JHY: variants seen among roughly 807,000 people sequenced by gnomAD.
JHY encodes the protein junctional cadherin complex regulator, also known as jhy protein homolog.
A neutral mutation model predicts 78.0 loss-of-function variants in JHY; 69 were observed. The ratio of observed to expected loss-of-function variants is 0.88; its 90% CI spans 0.73 to 1.08. The LOEUF is 1.08. Ranked by LOEUF, JHY falls within the 50% of genes least tolerant of loss-of-function variation. The pLI is 0.00. For synonymous variants in JHY, 368 were observed against 342.6 expected (o/e 1.07, Z -0.82); for missense variants, 944 against 927.8 (o/e 1.02, Z -0.23).
chr11:122,925,617 C>T (rs1280795571), intron 4 of JHY, among the ~76,000 whole-genome samples: 1 of 152,168 alleles, frequency 6.6e-6, no homozygotes, highest in Admixed American at 6.5e-5. Context: ...CACAATGGCT[C>T]ACACCTGTAA....
chr11:122,961,305 AT>A lies in JHY; in HGVS notation c.*1867del. 8.1e-6 allele frequency among the ~76,000 whole-genome samples: 1 copy of A among 123,750 alleles called. No individual in the cohort carries two copies. The highest frequency in any genetic ancestry group is 4.1e-3 in the Middle Eastern group (1 of 246). The allele number at this position is 123,750 out of a possible 152,430, so 81.2% of individuals were successfully genotyped here. ...TCAGCATTTGAGTTGTTCCATGATC[AT>A]TTTTTTATTGTTGTTTTTTTTGCTG... On this transcript the variant is annotated 3_prime_UTR_variant, in exon 9 of 9. Coordinates refer to ENST00000227349, the MANE Select transcript of JHY (RefSeq NM_024806.4).
intron 6 of JHY, among the ~76,000 whole-genome samples, chr11:122,952,591 G>A (rs1393854250): frequency 6.6e-6 from 1 of 152,152 alleles, no homozygotes; most frequent in African/African-American, 2.4e-5. Context: ...ACTAGACCCT[G>A]GCTCTGGTTT....
At chr11:122,893,207 CAGA>C (rs1402908668) in intron 2 of JHY, among the ~76,000 whole-genome samples, 1 of 152,166 alleles carries the variant, frequency 6.6e-6, no homozygotes, top group African/African-American at 2.4e-5. Flanking sequence ...ATAGTTATAT[CAGA>C]GGAGTGACTT....
chr11:122,933,482 A>G (rs1020766302), intron 4 of JHY, among the ~76,000 whole-genome samples: 5 of 152,252 alleles, frequency 3.3e-5, no homozygotes, highest in African/African-American at 1.2e-4. Flanking sequence ...AGCACAATAT[A>G]GTTACATAGT....
In JHY at chr11:122,960,697, A is replaced by T; in HGVS notation, c.*1252A>T. Reference sequence around the variant, plus strand: ...TAAAAATATGGTGCCTCTATTGGAGAATCTGCTTATCAACTCAATGAGCAA... The same window carrying T: ...TAAAAATATGGTGCCTCTATTGGAGTATCTGCTTATCAACTCAATGAGCAA... On this transcript the variant is annotated 3_prime_UTR_variant, in exon 9 of 9. Coordinates refer to ENST00000227349, the MANE Select transcript of JHY (RefSeq NM_024806.4). 2.5e-6 allele frequency: 1 copy of T among 406,410 alleles called. No homozygotes were observed. The highest frequency in any genetic ancestry group is 2.4e-5 in the South Asian group (1 of 42,378). The allele number at this position is 406,410 out of a possible 1,614,324, so 25.2% of individuals were successfully genotyped here.
At chr11:122,920,087 G>T (rs1277093979) in intron 3 of JHY, among the ~76,000 whole-genome samples, 1 of 152,178 alleles carries the variant, frequency 6.6e-6, no homozygotes, top group Non-Finnish European at 1.5e-5. Flanking sequence ...TCTTTTGCTG[G>T]CTGTGTCTAA....
chr11:122,916,840 G>A (rs544772154), intron 3 of JHY, among the ~76,000 whole-genome samples: 32 of 151,812 alleles, frequency 2.1e-4, no homozygotes, highest in Middle Eastern at 3.4e-3. Context: ...GGTTTCGCCC[G>A]GCTGCTTTCA....
chr11:122,883,440 G>T lies in JHY; in HGVS notation c.-90+468G>T, dbSNP rs1348235959. On this transcript the variant is annotated intron_variant, in intron 1 of 8. Coordinates refer to ENST00000227349, the MANE Select transcript of JHY (RefSeq NM_024806.4). The surrounding 1 kb of genome is among the most constrained non-coding windows in gnomAD (Gnocchi z 4.4). ...TTCCCCTCCAGGAGAAAGTTCGATT[G>T]TCCCATGCTAGTGGACTAGACCCAC... Among the ~76,000 whole-genome samples the T allele has an allele frequency of 1.3e-5, 2 of 152,164 alleles. No individual in the cohort carries two copies. Among genetic ancestry groups the T allele is most frequent in the Non-Finnish European group, 2.9e-5 (2 of 68,030 alleles).
intron 7 of JHY, 115 bp from the exon 8 acceptor site, chr11:122,957,248 T>G (rs1864211697): frequency 2.5e-6 from 3 of 1,193,428 alleles, no homozygotes; most frequent in East Asian, 2.9e-5. Context: ...ATCCCATTGC[T>G]CCTGTACAGC....
rs1234364956 is a variant in JHY, at chr11:122,959,102, A to G, written c.2140-146A>G. On this transcript the variant is annotated intron_variant, in intron 8 of 8. Coordinates refer to ENST00000227349, the MANE Select transcript of JHY (RefSeq NM_024806.4). ...TTGTTTAAACTGTGTGTTATATTGCATTGTTTGATCTCCATTTCCACCAAT... is the reference window on the plus strand; with the variant it reads ...TTGTTTAAACTGTGTGTTATATTGCGTTGTTTGATCTCCATTTCCACCAAT... 1.0e-5 allele frequency: 14 copies of G among 1,389,914 alleles called. No individual in the cohort carries two copies. In the East Asian group the frequency reaches 3.5e-4, roughly 35 times the overall value. 86.1% of individuals were successfully genotyped at this position (1,389,914 alleles called of 1,614,324 possible).
At chr11:122,923,163 TGAA>T (rs1863413047) in intron 3 of JHY, among the ~76,000 whole-genome samples, 2 of 152,152 alleles carry the variant, frequency 1.3e-5, no homozygotes, top group African/African-American at 4.8e-5. Context: ...AGCTGTTGTC[TGAA>T]GAAGGAGTTA....
chr11:122,947,049 T>C, intron 6 of JHY: 1 of 366,340 alleles, frequency 2.7e-6, no homozygotes, highest in Non-Finnish European at 4.9e-6. Context: ...GAGGTCTCCA[T>C]TTGCAGAGTG....
chr11:122,954,582 T>C (rs889613453), intron 6 of JHY, among the ~76,000 whole-genome samples: 1 of 152,222 alleles, frequency 6.6e-6, no homozygotes, highest in Admixed American at 6.5e-5. Context: ...AATTCTGTCT[T>C]AGAAAAGGGC....
At position 122,917,411 on chromosome 11, in the gene JHY, C is replaced by T. The variant is rs7931433; in HGVS notation, c.865-7486C>T. On this transcript the variant is annotated intron_variant, in intron 3 of 8. Transcript: ENST00000227349. The surrounding 1 kb of genome is among the most constrained non-coding windows in gnomAD (Gnocchi z 4.1). Reference sequence around the variant, plus strand: ...AATTGGCAGACGTCTTTCATGCAGTCCCTTGTATGTCATTTTAAAGCAGAA... The same window carrying T: ...AATTGGCAGACGTCTTTCATGCAGTTCCTTGTATGTCATTTTAAAGCAGAA... Among the ~76,000 whole-genome samples the T allele has an allele frequency of 0.051, 7,737 of 152,202 alleles. 293 individuals are homozygous for T. The highest frequency in any genetic ancestry group is 0.095 in the African/African-American group (3,959 of 41,520).
chr11:122,934,466 A>G lies in JHY; in HGVS notation c.1025A>G (p.Asn342Ser), dbSNP rs575543159. The G allele has an allele frequency of 1.4e-5, 23 of 1,613,856 alleles. No individual in the cohort carries two copies. In the East Asian group the frequency reaches 2.2e-4, roughly 16 times the overall value. ...CAATATGAAAGTACAAAATCAAGCA[A>G]TGTACCAAGAGGGCAACCTTCTGAC... ...WSQYESTKSS[N>S]VPRGQPSDMV... The change falls in exon 5 of 9, where the codon AAT (asparagine) becomes AGT (serine). Residue 342 changes from asparagine to serine, a missense_variant. Physicochemically the swap from Asn to Ser is conservative, Grantham distance 46 (BLOSUM62 1). Transcript: ENST00000227349.
intron 4 of JHY, among the ~76,000 whole-genome samples, chr11:122,927,356 T>C (rs1863529119): frequency 6.6e-6 from 1 of 152,162 alleles, no homozygotes; most frequent in South Asian, 2.1e-4. Context: ...GAAGAAATTG[T>C]GGAGCAAAAC....
intron 7 of JHY, 89 bp downstream of exon 7, chr11:122,956,665 A>G: frequency 9.4e-7 from 1 of 1,058,478 alleles, no homozygotes; most frequent in East Asian, 2.5e-5. Flanking sequence ...CCAGAATTAA[A>G]CCCTAATTCA....
intron 8 of JHY, 194 bp from the exon 9 acceptor site, chr11:122,959,054 T>C: frequency 1.0e-6 from 1 of 967,254 alleles, no homozygotes; most frequent in Non-Finnish European, 1.2e-6. Context: ...TTCCACAATA[T>C]ATTGTTTTGT....
At chr11:122,931,174 A>G (rs1187520975) in intron 4 of JHY, among the ~76,000 whole-genome samples, 1 of 152,222 alleles carries the variant, frequency 6.6e-6, no homozygotes, top group African/African-American at 2.4e-5. Context: ...GGGAAGACAC[A>G]AACATTCAAA....
Sources: allele counts gnomAD v4.1 joint callset (sites outside exome capture counted in the v4.1 genomes callset), GRCh38; gene constraint gnomAD v4.1.1; non-coding constraint Gnocchi (gnomAD v3.1); transcripts MANE v1.5; gene names NCBI Gene and HGNC (gene_info 2026-07-23, HGNC 2026-07-21).